Variants in NFATC2 observed in about 807,000 individuals in gnomAD.
NFATC2 encodes the protein nuclear factor of activated T cells 2.
A neutral mutation model predicts 87.3 loss-of-function variants in NFATC2; 22 were observed. The ratio of observed to expected loss-of-function variants is 0.25; its 90% confidence interval spans 0.18 to 0.36. The LOEUF (loss-of-function observed/expected upper bound fraction) is 0.36, where lower values mean the gene tolerates loss of function less well. NFATC2 is among the 10% of genes least tolerant of loss of function. The pLI is 1.00. For synonymous variants in NFATC2, 565 were observed against 542.2 expected (o/e 1.04, Z -0.58); for missense variants, 1,149 against 1,259.1 (o/e 0.91, Z 1.32).
intron 6 of NFATC2, among the ~76,000 whole-genome samples, chr20:51,449,507 C>G (rs1315842006): frequency 6.6e-6 from 1 of 152,110 alleles, no homozygotes; most frequent in African/African-American, 2.4e-5. Context: ...CTCTTGATGC[C>G]GGAAACACAC....
chr20:51,492,027 CT>C (rs1398360587), intron 3 of NFATC2, among the ~76,000 whole-genome samples: 1 of 152,048 alleles, frequency 6.6e-6, no homozygotes, highest in Non-Finnish European at 1.5e-5. Context: ...ATGAACACCC[CT>C]TGTTCACTGG....
chr20:51,406,838 G>A (rs1259834772), intron 9 of NFATC2, among the ~76,000 whole-genome samples: 2 of 152,194 alleles, frequency 1.3e-5, no homozygotes, highest in Non-Finnish European at 2.9e-5. Flanking sequence ...GGTGACAGGA[G>A]TCAGTGGCTT....
chr20:51,554,323 G>A (rs111527160), intron 1 of NFATC2, among the ~76,000 whole-genome samples: 8 of 152,240 alleles, frequency 5.3e-5, no homozygotes, highest in African/African-American at 1.2e-4. Context: ...TCTCATAGAC[G>A]TTGGGTTTTT....
intron 6 of NFATC2, among the ~76,000 whole-genome samples, chr20:51,450,625 CAA>C: frequency 6.6e-6 from 1 of 152,268 alleles, no homozygotes; most frequent in African/African-American, 2.4e-5. Flanking sequence ...AGCTGAGGCC[CAA>C]AGAGGTTGAA....
rs199799112 is a variant in NFATC2, at chr20:51,398,661, G to A, written c.*26C>T. 287 of 1,607,656 alleles carry A rather than the reference G, an allele frequency of 1.8e-4. 1 individual carries two copies. The highest frequency in any genetic ancestry group is 3.4e-4 in the Middle Eastern group (2 of 5,924). On this transcript the variant is annotated 3_prime_UTR_variant, in exon 10 of 11. Coordinates refer to ENST00000371564, the MANE Select transcript of NFATC2 (RefSeq NM_012340.5). ...CGATTACCTTTAACTTTGATTTCTC[G>A]GATCAAAGATCACAGTCATTCTGTT...
At position 51,524,297 on chromosome 20, in the gene NFATC2, T is replaced by C. The variant is rs942143085; in HGVS notation, c.131-187A>G. Among the ~76,000 whole-genome samples, 3 of 152,110 alleles carry C rather than the reference T, an allele frequency of 2.0e-5. No homozygotes were observed. The highest frequency in any genetic ancestry group is 4.8e-5 in the African/African-American group (2 of 41,426). ...CTGAGGCCACTTTGTCCCAGGTCCCTGGAGAAGACAGGTCGAAGCAGAATG... is the reference window on the plus strand; with the variant it reads ...CTGAGGCCACTTTGTCCCAGGTCCCCGGAGAAGACAGGTCGAAGCAGAATG... On this transcript the variant is annotated intron_variant, in intron 1 of 10. Transcript: ENST00000371564. This position sits in a 1 kb window ranked among gnomAD's most constrained non-coding sequence, Gnocchi z 4.0.
chr20:51,463,057 G>A lies in NFATC2; in HGVS notation c.1709-8369C>T, dbSNP rs1172636966. On this transcript the variant is annotated intron_variant, in intron 5 of 10. Coordinates refer to ENST00000371564, the MANE Select transcript of NFATC2 (RefSeq NM_012340.5). Reference sequence around the variant, plus strand: ...GCTCCAGCTGCTGTCAGCCCTTCTTGTCTCTGTATCAGGCCCCATCCTTGG... The same window carrying A: ...GCTCCAGCTGCTGTCAGCCCTTCTTATCTCTGTATCAGGCCCCATCCTTGG... Among the ~76,000 whole-genome samples the A allele has an allele frequency of 2.0e-5, 3 of 152,382 alleles. No individual in the cohort carries two copies. In the East Asian group the frequency reaches 5.8e-4, roughly 29 times the overall value.
At chr20:51,414,406 G>C (rs369938121) in intron 9 of NFATC2, among the ~76,000 whole-genome samples, 2 of 152,116 alleles carry the variant, frequency 1.3e-5, no homozygotes, top group African/African-American at 2.4e-5. Flanking sequence ...TCACAGCAGA[G>C]AGCCAGGCAT....
chr20:51,486,630 A>C (rs139822471), intron 3 of NFATC2, among the ~76,000 whole-genome samples: 36 of 121,626 alleles, frequency 3.0e-4, no homozygotes, highest in African/African-American at 1.1e-3. Context: ...GTCCATCACC[A>C]TGCCTCAGCA....
At chr20:51,423,517 G>C (rs1981285978) in intron 9 of NFATC2, among the ~76,000 whole-genome samples, 1 of 152,114 alleles carries the variant, frequency 6.6e-6, no homozygotes, top group Admixed American at 6.5e-5. Context: ...TAGTAAGAAT[G>C]AAACTACAAA....
intron 5 of NFATC2, among the ~76,000 whole-genome samples, chr20:51,465,012 C>T (rs1251536056): frequency 6.6e-6 from 1 of 152,244 alleles, no homozygotes; most frequent in Non-Finnish European, 1.5e-5. Context: ...CTGTCCCTCT[C>T]ATCTTCTTTC....
intron 9 of NFATC2, chr20:51,399,325 C>CTCTCTACATG (rs1987726423): frequency 6.6e-6 from 1 of 152,664 alleles, no homozygotes; most frequent in South Asian, 2.1e-4. Flanking sequence ...AATAATACTC[C>CTCTCTACATG]TCTCTACATG....
chr20:51,509,435 G>A (rs1182958583), intron 3 of NFATC2, among the ~76,000 whole-genome samples: 1 of 152,096 alleles, frequency 6.6e-6, no homozygotes, highest in African/African-American at 2.4e-5. Context: ...ATGAGCAAAT[G>A]AACCCCAGTG....
At chr20:51,549,159 C>T (rs1447875498) in intron 1 of NFATC2, among the ~76,000 whole-genome samples, 2 of 152,048 alleles carry the variant, frequency 1.3e-5, no homozygotes, top group African/African-American at 2.4e-5. Context: ...CACAGCAAGA[C>T]CCCGTCTCCA....
intron 3 of NFATC2, among the ~76,000 whole-genome samples, chr20:51,506,322 C>T (rs976369245): frequency 6.6e-6 from 1 of 152,238 alleles, no homozygotes; most frequent in African/African-American, 2.4e-5. Context: ...AGCCATTCCA[C>T]ATCATGTGCT....
chr20:51,448,217 C>G (rs1217355337), intron 6 of NFATC2, among the ~76,000 whole-genome samples: 1 of 152,128 alleles, frequency 6.6e-6, no homozygotes, highest in Non-Finnish European at 1.5e-5. Flanking sequence ...CAGAGCCGGG[C>G]AGTGGCACAG....
chr20:51,512,879 G>A (rs1457420416), intron 3 of NFATC2, among the ~76,000 whole-genome samples: 1 of 152,176 alleles, frequency 6.6e-6, no homozygotes, highest in Non-Finnish European at 1.5e-5. Context: ...AAGCATTCAG[G>A]CAAGGTACAA....
intron 1 of NFATC2, among the ~76,000 whole-genome samples, chr20:51,552,103 G>T (rs959112517): frequency 2.0e-5 from 3 of 152,106 alleles, no homozygotes; most frequent in African/African-American, 7.2e-5. Context: ...GGGAGGCCAA[G>T]GTGGGAGGAT....
At chr20:51,402,894 C>T (rs929171808) in intron 9 of NFATC2, among the ~76,000 whole-genome samples, 2 of 152,196 alleles carry the variant, frequency 1.3e-5, no homozygotes, top group African/African-American at 4.8e-5. Context: ...ACCAACATGG[C>T]CCCTGATTCT....
Sources: gnomAD v4.1 joint callset for allele counts (sites outside exome capture counted in the v4.1 genomes callset) on GRCh38, gnomAD v4.1.1 for gene constraint, Gnocchi (gnomAD v3.1) non-coding constraint, MANE v1.5 for transcripts, NCBI Gene and HGNC (gene_info 2026-07-23, HGNC 2026-07-21) for gene names.